The following LCORL variants were observed in gnomAD, a reference collection of about 807,000 sequenced individuals.
LCORL encodes ligand dependent nuclear receptor corepressor like.
A neutral mutation model predicts 141.8 loss-of-function variants in LCORL; 41 were observed. That is an observed-to-expected ratio of 0.29 (90% CI 0.23 to 0.38). The LOEUF is 0.38. Ranked by LOEUF, LCORL falls within the 10% of genes least tolerant of loss-of-function variation. The pLI, the probability that LCORL is intolerant of heterozygous loss-of-function variation, is 1.00. For synonymous variants in LCORL, 618 were observed against 694.1 expected, an observed-to-expected ratio of 0.89 and a Z score of 1.72; for missense variants, 1,759 against 2,035.0, an observed-to-expected ratio of 0.86 and a Z score of 2.61.
chr4:17,916,542 T>C (rs1010823485), intron 4 of LCORL, among the ~76,000 whole-genome samples: 1 of 152,154 alleles, frequency 6.6e-6, no homozygotes, highest in African/African-American at 2.4e-5. Context: ...GCCATGATTG[T>C]AAGCTTCCTG....
chr4:17,960,299 AT>A, intron 4 of LCORL: 1 of 154,454 alleles, frequency 6.5e-6, no homozygotes, highest in Middle Eastern at 5.2e-4. Context: ...GGAGACCCAG[AT>A]GCTTGAATCA....
At chr4:17,920,807 G>A (rs781255490) in intron 4 of LCORL, among the ~76,000 whole-genome samples, 2 of 152,198 alleles carry the variant, frequency 1.3e-5, no homozygotes, top group African/African-American at 4.8e-5. Flanking sequence ...CTCTTCATCT[G>A]TTAAAGTTTA....
At chr4:17,989,871 A>G (rs1295981993) in intron 1 of LCORL, among the ~76,000 whole-genome samples, 1 of 152,098 alleles carries the variant, frequency 6.6e-6, no homozygotes, top group Non-Finnish European at 1.5e-5. Flanking sequence ...ACCAGGGAAA[A>G]TCTGCTTCCA....
intron 4 of LCORL, among the ~76,000 whole-genome samples, chr4:17,930,652 C>T (rs898591271): frequency 6.6e-6 from 1 of 152,114 alleles, no homozygotes; most frequent in African/African-American, 2.4e-5. Context: ...AATGTCATGA[C>T]TGTCATGTAT....
intron 7 of LCORL, among the ~76,000 whole-genome samples, chr4:17,848,649 A>G (rs995593692): frequency 6.6e-6 from 1 of 152,266 alleles, no homozygotes; most frequent in Non-Finnish European, 1.5e-5. Flanking sequence ...TACCAGGTTC[A>G]TCTCACTAGG....
intron 1 of LCORL, among the ~76,000 whole-genome samples, chr4:17,983,762 T>C (rs551962413): frequency 5.3e-4 from 81 of 152,302 alleles, no homozygotes; most frequent in Middle Eastern, 3.4e-3. Flanking sequence ...GCTTTATTTC[T>C]TTCTCTTGTC....
chr4:17,914,901 TG>T lies in LCORL; in HGVS notation c.431-5557del, dbSNP rs1577405050. On this transcript the variant is annotated intron_variant, in intron 4 of 7. Coordinates refer to ENST00000635767, the Ensembl canonical transcript of LCORL. Reference sequence around the variant, plus strand: ...TTCCTGCCTCCTGATATAACACTGCTGTGCAATACCCTCTTAGCCTCCATGT... The same window carrying T: ...TTCCTGCCTCCTGATATAACACTGCTTGCAATACCCTCTTAGCCTCCATGT... Among the ~76,000 whole-genome samples, 4 of 152,340 alleles carry T rather than the reference TG, an allele frequency of 2.6e-5. 1 individual carries two copies.
intron 4 of LCORL, among the ~76,000 whole-genome samples, chr4:17,922,937 A>C (rs1734527005): frequency 6.6e-6 from 1 of 152,184 alleles, no homozygotes; most frequent in African/African-American, 2.4e-5. Context: ...TGAGGAGATT[A>C]ATCGTGCACT....
At chr4:17,877,381 C>G in exon 7 of LCORL, 1 of 1,230,500 alleles carries the variant, frequency 8.1e-7, no homozygotes, top group Non-Finnish European at 1.0e-6. Context: ...TTTAGTTTTT[C>G]ATTAATGCGA....
intron 7 of LCORL, among the ~76,000 whole-genome samples, chr4:17,872,575 T>C (rs576993387): frequency 3.1e-4 from 47 of 152,256 alleles, no homozygotes; most frequent in Admixed American, 7.2e-4. Context: ...TGAGTCTCCC[T>C]GAGGCACCAA....
intron 6 of LCORL, among the ~76,000 whole-genome samples, chr4:17,885,017 T>G (rs761794672): frequency 1.5e-4 from 23 of 151,934 alleles, no homozygotes; most frequent in Non-Finnish European, 3.2e-4. Context: ...TGTAAAAATA[T>G]TCTCATGATG....
In LCORL at chr4:17,949,427, T is replaced by G. The variant is rs1174819172; in HGVS notation, c.430+12476A>C. Among the ~76,000 whole-genome samples the G allele has an allele frequency of 3.9e-5, 6 of 152,280 alleles. No homozygotes were observed. In the South Asian group the frequency reaches 1.2e-3, roughly 32 times the overall value. On this transcript the variant is annotated intron_variant, in intron 4 of 7. Coordinates refer to ENST00000635767, the Ensembl canonical transcript of LCORL. The stretch of plus-strand genomic sequence containing the variant: ...CCTTGACTGTAGTTCCTCTGTATTC[T>G]TGGATTTTTTATTTGCCAACCTTGG...
At chr4:17,925,230 T>C (rs1333923384) in intron 4 of LCORL, among the ~76,000 whole-genome samples, 4 of 152,138 alleles carry the variant, frequency 2.6e-5, no homozygotes, top group Non-Finnish European at 5.9e-5. Context: ...CCAGACAAAC[T>C]ATGAAGATGA....
At chr4:17,999,119 G>C (rs1469774565) in intron 1 of LCORL, among the ~76,000 whole-genome samples, 1 of 150,318 alleles carries the variant, frequency 6.7e-6, no homozygotes, top group Non-Finnish European at 1.5e-5. Context: ...TTGAAGGGCA[G>C]TAGATTTGTT....
At chr4:17,981,002 C>A (rs932067965) in intron 1 of LCORL, among the ~76,000 whole-genome samples, 4 of 152,188 alleles carry the variant, frequency 2.6e-5, no homozygotes, top group African/African-American at 9.6e-5. Context: ...TTAGGGACCA[C>A]TGACTTAGAT....
At chr4:17,850,352 G>A (rs1253961390) in intron 7 of LCORL, among the ~76,000 whole-genome samples, 3 of 149,600 alleles carry the variant, frequency 2.0e-5, no homozygotes, top group Non-Finnish European at 4.5e-5. Flanking sequence ...GCAACCTACA[G>A]AATGGGAGAA....
At chr4:17,913,284 G>C (rs985839850) in intron 4 of LCORL, among the ~76,000 whole-genome samples, 1 of 152,124 alleles carries the variant, frequency 6.6e-6, no homozygotes, top group East Asian at 1.9e-4. Flanking sequence ...AGACCATTGC[G>C]ACCAGATCAG....
intron 7 of LCORL, among the ~76,000 whole-genome samples, chr4:17,856,148 T>C (rs1724340067): frequency 6.6e-6 from 1 of 152,246 alleles, no homozygotes; most frequent in South Asian, 2.1e-4. Flanking sequence ...AGTAAAGCCA[T>C]GAATGACACA....
chr4:17,959,364 T>C (rs890568460), intron 4 of LCORL, among the ~76,000 whole-genome samples: 1 of 152,040 alleles, frequency 6.6e-6, no homozygotes, highest in Non-Finnish European at 1.5e-5. Context: ...CAGAACACTG[T>C]TCATTTTTTG....
Sources: allele counts gnomAD v4.1 joint callset (sites outside exome capture counted in the v4.1 genomes callset), GRCh38; gene constraint gnomAD v4.1.1; transcripts MANE v1.5; gene names NCBI Gene and HGNC (gene_info 2026-07-23, HGNC 2026-07-21).